Variants in LNX2 observed in about 807,000 individuals in gnomAD.
The protein encoded by LNX2 is ligand of Numb protein X 2.
In LNX2, 35 loss-of-function variants were observed where a neutral mutation model predicts 66.2. The ratio of observed to expected loss-of-function variants is 0.53; its 90% CI spans 0.40 to 0.70. The LOEUF is 0.70. Among genes scored for constraint, LNX2 ranks in the 30% least tolerant of loss-of-function variants. LNX2 has a pLI of 0.00. For synonymous variants in LNX2, 337 were observed against 315.6 expected, an observed-to-expected ratio of 1.07 and a Z score of -0.72; for missense variants, 791 against 850.8, an observed-to-expected ratio of 0.93 and a Z score of 0.87.
chr13:27,600,638 T>G (rs983383081), intron 1 of LNX2, among the ~76,000 whole-genome samples: 5 of 152,190 alleles, frequency 3.3e-5, no homozygotes, highest in African/African-American at 1.2e-4. Flanking sequence ...TGTTACTGAC[T>G]CGGGGCTTTC....
chr13:27,546,182 G>C lies in LNX2; in HGVS notation c.*2153C>G, dbSNP rs931306420. ...GATTCCAAGATTTCTATAAAAATGA[G>C]AGTGAAGAAATTTCTTCTTTCAAAA... On this transcript the variant is annotated 3_prime_UTR_variant, in exon 10 of 10. Coordinates refer to ENST00000316334, the MANE Select transcript of LNX2 (RefSeq NM_153371.4). 1.3e-5 allele frequency: 2 copies of C among 152,168 alleles called. No homozygotes were observed. The highest frequency in any genetic ancestry group is 6.5e-5 in the Admixed American group (1 of 15,286). The allele number at this position is 152,168 out of a possible 1,614,324, so 9.4% of individuals were successfully genotyped here.
At chr13:27,618,166 T>C (rs1298982444) in intron 1 of LNX2, among the ~76,000 whole-genome samples, 1 of 152,222 alleles carries the variant, frequency 6.6e-6, no homozygotes, top group Non-Finnish European at 1.5e-5. Context: ...GGATTCATCC[T>C]TCCCTCCTTA....
chr13:27,583,968 A>G (rs1339263383), intron 1 of LNX2, among the ~76,000 whole-genome samples: 1 of 152,198 alleles, frequency 6.6e-6, no homozygotes, highest in Non-Finnish European at 1.5e-5. Flanking sequence ...AGTATCAGCC[A>G]GAGAGAAAAA....
intron 1 of LNX2, among the ~76,000 whole-genome samples, chr13:27,596,878 A>G (rs991530293): frequency 2.6e-5 from 4 of 152,232 alleles, no homozygotes; most frequent in African/African-American, 9.6e-5. Flanking sequence ...TCCCAATGTC[A>G]TAACATACAG....
At chr13:27,579,480 AC>A (rs1476751040) in intron 2 of LNX2, among the ~76,000 whole-genome samples, 4 of 152,184 alleles carry the variant, frequency 2.6e-5, no homozygotes, top group Non-Finnish European at 5.9e-5. Flanking sequence ...GGAAAATGAA[AC>A]CTTCAACTGG....
intron 1 of LNX2, among the ~76,000 whole-genome samples, chr13:27,613,041 G>A (rs1474303042): frequency 8.5e-5 from 13 of 152,152 alleles, no homozygotes; most frequent in Admixed American, 8.5e-4. Flanking sequence ...TGGGGGTAGG[G>A]GGTTGAGGGA....
At chr13:27,606,001 G>A (rs1374679696) in intron 1 of LNX2, among the ~76,000 whole-genome samples, 1 of 151,988 alleles carries the variant, frequency 6.6e-6, no homozygotes, top group Non-Finnish European at 1.5e-5. Context: ...AAAACAAAAT[G>A]GATGCACCTG....
chr13:27,577,479 C>G lies in LNX2; in HGVS notation c.407+3818G>C, dbSNP rs925758422. On this transcript the variant is annotated intron_variant, in intron 2 of 9. Transcript: ENST00000316334. Reference sequence around the variant, plus strand: ...GTCCAATCTTTTGGCTTCCCTGGGCCACACGGGAAGAAGAATAATTGTCTT... The same window carrying G: ...GTCCAATCTTTTGGCTTCCCTGGGCGACACGGGAAGAAGAATAATTGTCTT... 2.6e-5 allele frequency among the ~76,000 whole-genome samples: 4 copies of G among 152,038 alleles called. No homozygotes were observed. In the South Asian group the frequency reaches 8.3e-4, roughly 32 times the overall value.
chr13:27,587,324 A>T (rs752517928), intron 1 of LNX2, among the ~76,000 whole-genome samples: 1 of 151,772 alleles, frequency 6.6e-6, no homozygotes, highest in Non-Finnish European at 1.5e-5. Flanking sequence ...CCCTTTACAC[A>T]TATTTTCCCT....
intron 1 of LNX2, among the ~76,000 whole-genome samples, chr13:27,582,719 C>T (rs542098152): frequency 4.3e-4 from 66 of 152,140 alleles, no homozygotes; most frequent in African/African-American, 1.5e-3. Flanking sequence ...GGGAGGGGAA[C>T]ATCACACACC....
chr13:27,589,757 A>T (rs1249107687), intron 1 of LNX2, among the ~76,000 whole-genome samples: 1 of 152,230 alleles, frequency 6.6e-6, no homozygotes, highest in Non-Finnish European at 1.5e-5. Flanking sequence ...TTGGAAACAG[A>T]ATTTACATAA....
intron 1 of LNX2, among the ~76,000 whole-genome samples, chr13:27,583,275 T>C (rs1955442627): frequency 8.7e-6 from 1 of 114,624 alleles, no homozygotes; most frequent in South Asian, 3.1e-4. Context: ...CTCTCCAACA[T>C]ACTTATTTTT....
chr13:27,558,325 A>G (rs565832694), intron 6 of LNX2, among the ~76,000 whole-genome samples: 11 of 152,156 alleles, frequency 7.2e-5, no homozygotes, highest in Admixed American at 5.2e-4. Flanking sequence ...AGGTTTGCAG[A>G]GTGCCTGGAA....
intron 1 of LNX2, among the ~76,000 whole-genome samples, chr13:27,616,037 T>C (rs1405580564): frequency 6.6e-6 from 1 of 152,094 alleles, no homozygotes; most frequent in East Asian, 1.9e-4. Flanking sequence ...CAGGAGGTCC[T>C]AAGAACATGT....
At chr13:27,588,851 T>C (rs1033357136) in intron 1 of LNX2, among the ~76,000 whole-genome samples, 2 of 152,202 alleles carry the variant, frequency 1.3e-5, no homozygotes, top group Non-Finnish European at 2.9e-5. Flanking sequence ...GAAAATAACT[T>C]TTTTCAAAGT....
Position 27,550,460 on chromosome 13 carries a change from G to A in LNX2, c.1810C>T (p.Arg604Ter), listed in dbSNP as rs1256136831. The A allele has an allele frequency of 1.3e-5, 21 of 1,613,566 alleles. No homozygotes were observed. Among genetic ancestry groups the A allele is most frequent in the African/African-American group, 2.7e-5 (2 of 74,840 alleles). Residue 604 changes from arginine to a stop codon, truncating the protein, a stop_gained, in exon 9 of 10, where the codon CGA (arginine) becomes TGA (stop). Transcript: ENST00000316334. LOFTEE classifies it high-confidence loss of function. ...CCCCAACTTCCCAAGTAACTTCTTCGTAAAACTATATCGTGGCAGCTATGA... is the reference window on the plus strand; with the variant it reads ...CCCCAACTTCCCAAGTAACTTCTTCATAAAACTATATCGTGGCAGCTATGA... ...TLHSCHDIVLRRSYLGSWGFS... is the reference protein window; with the variant it reads ...TLHSCHDIVL
rs1275717950 is a variant in LNX2, at chr13:27,547,415, A to C, written c.*920T>G. 6.6e-6 allele frequency: 1 copy of C among 152,134 alleles called. No individual in the cohort carries two copies. Among genetic ancestry groups the C allele is most frequent in the Non-Finnish European group, 1.5e-5 (1 of 68,022 alleles). 9.4% of individuals were successfully genotyped at this position (152,134 alleles called of 1,614,324 possible). A position where few individuals can be genotyped will look rare whatever the true frequency, so the allele number is the denominator to read the frequency against. On this transcript the variant is annotated 3_prime_UTR_variant, in exon 10 of 10. Coordinates refer to ENST00000316334, the MANE Select transcript of LNX2 (RefSeq NM_153371.4). ...TGGATAACATTATCTTTTATCCTCT[A>C]CTATTCTAATAATAGTATATTAAGA...
chr13:27,568,329 G>A (rs758855145), intron 3 of LNX2, among the ~76,000 whole-genome samples: 3 of 152,196 alleles, frequency 2.0e-5, no homozygotes, highest in Non-Finnish European at 2.9e-5. Flanking sequence ...ATTCAAATTT[G>A]TAGTAGAGCT....
chr13:27,607,991 C>T (rs1344496667), intron 1 of LNX2, among the ~76,000 whole-genome samples: 1 of 152,160 alleles, frequency 6.6e-6, no homozygotes, highest in Non-Finnish European at 1.5e-5. Flanking sequence ...AATTGCTTAC[C>T]TATTTGCTGT....
Sources: gnomAD v4.1 joint callset for allele counts (sites outside exome capture counted in the v4.1 genomes callset) on GRCh38, gnomAD v4.1.1 for gene constraint, MANE v1.5 for transcripts, NCBI Gene and HGNC (gene_info 2026-07-23, HGNC 2026-07-21) for gene names.